Variants in SLIT3 observed in about 807,000 individuals in gnomAD.
SLIT3 encodes slit homolog 3 protein.
Under a neutral mutation model 184.0 loss-of-function variants are expected in SLIT3, and 68 were observed. That is an observed-to-expected ratio of 0.37 (90% confidence interval 0.30 to 0.45). The LOEUF is 0.45. SLIT3 is among the 20% of genes least tolerant of loss of function. The pLI is 1.00. For synonymous variants in SLIT3, 831 were observed against 828.6 expected (o/e 1.00, Z -0.05); for missense variants, 1,707 against 2,026.0 (o/e 0.84, Z 3.02).
intron 4 of SLIT3, among the ~76,000 whole-genome samples, chr5:169,142,173 C>A (rs1761771304): frequency 6.6e-6 from 1 of 152,134 alleles, no homozygotes; most frequent in South Asian, 2.1e-4. Context: ...ATCCATTGCA[C>A]ATTCACTGTG....
At chr5:168,733,659 A>G (rs1198843880) in intron 20 of SLIT3, among the ~76,000 whole-genome samples, 1 of 152,170 alleles carries the variant, frequency 6.6e-6, no homozygotes, top group Non-Finnish European at 1.5e-5. Context: ...GGAGAGCATT[A>G]GGACAAATAC....
At chr5:168,903,814 T>TC (rs1561997484) in intron 4 of SLIT3, among the ~76,000 whole-genome samples, 1 of 151,760 alleles carries the variant, frequency 6.6e-6, no homozygotes. Context: ...GTTCACTGGT[T>TC]TGAATTATTA....
chr5:169,015,009 C>T (rs1756308517), intron 4 of SLIT3, among the ~76,000 whole-genome samples: 1 of 151,806 alleles, frequency 6.6e-6, no homozygotes, highest in South Asian at 2.1e-4. Context: ...TTGTAGATTA[C>T]AGAACCAAAC....
chr5:168,739,601 C>A (rs189926858), intron 20 of SLIT3, among the ~76,000 whole-genome samples: 146 of 152,014 alleles, frequency 9.6e-4, no homozygotes, highest in African/African-American at 3.1e-3. Flanking sequence ...ATTACAGGCG[C>A]CCACAACCAC....
intron 20 of SLIT3, among the ~76,000 whole-genome samples, chr5:168,729,212 A>G (rs1375696987): frequency 6.6e-6 from 1 of 152,140 alleles, no homozygotes; most frequent in Non-Finnish European, 1.5e-5. Flanking sequence ...AAAGTTTAGA[A>G]AACATATTTG....
rs564447684 is a variant in SLIT3, at chr5:169,217,862, AAC to A, written c.342-24314_342-24313del. Reference sequence around the variant, plus strand: ...AAAGACAATATTCCTCACTGGCTGAAACACACAGAACAGAGATGGAATGGCAG... The same window carrying A: ...AAAGACAATATTCCTCACTGGCTGAAACACAGAACAGAGATGGAATGGCAG... On this transcript the variant is annotated intron_variant, in intron 3 of 35. Coordinates refer to ENST00000519560, the MANE Select transcript of SLIT3 (RefSeq NM_003062.4). 1.4e-3 allele frequency among the ~76,000 whole-genome samples: 208 copies of A among 152,322 alleles called. 1 individual carries two copies. Among genetic ancestry groups the A allele is most frequent in the African/African-American group, 4.9e-3 (202 of 41,570 alleles).
At chr5:169,274,824 T>C (rs1390798253) in intron 1 of SLIT3, among the ~76,000 whole-genome samples, 9 of 152,204 alleles carry the variant, frequency 5.9e-5, no homozygotes, top group Admixed American at 6.5e-5. Flanking sequence ...TTCAAATACT[T>C]ACCAGTTGGG....
intron 8 of SLIT3, among the ~76,000 whole-genome samples, chr5:168,811,211 G>A (rs1279987469): frequency 6.6e-6 from 1 of 152,114 alleles, no homozygotes; most frequent in Non-Finnish European, 1.5e-5. Flanking sequence ...CAAACTAAGA[G>A]TAGCCATCAG....
At chr5:169,070,972 T>C (rs1413139761) in intron 4 of SLIT3, among the ~76,000 whole-genome samples, 1 of 152,182 alleles carries the variant, frequency 6.6e-6, no homozygotes, top group African/African-American at 2.4e-5. Flanking sequence ...TACTTGGTCC[T>C]TGGAGACAGA....
At chr5:168,992,931 C>G (rs561085610) in intron 4 of SLIT3, 2 of 152,292 alleles carry the variant, frequency 1.3e-5, no homozygotes, top group East Asian at 1.9e-4. Flanking sequence ...AGCAAAGGCC[C>G]TTTACACGCA....
At chr5:168,798,214 C>CT in intron 9 of SLIT3, among the ~76,000 whole-genome samples, 1 of 84,696 alleles carries the variant, frequency 1.2e-5, no homozygotes, top group South Asian at 5.4e-4. Context: ...TTCTTTTCTT[C>CT]TTCTTCTTCT....
At chr5:169,122,435 T>C (rs1418536560) in intron 4 of SLIT3, among the ~76,000 whole-genome samples, 1 of 152,080 alleles carries the variant, frequency 6.6e-6, no homozygotes, top group African/African-American at 2.4e-5. Context: ...GTACCTGGAG[T>C]ATTTTTTGGC....
chr5:168,847,829 C>G (rs542782128), intron 5 of SLIT3, among the ~76,000 whole-genome samples: 3 of 152,062 alleles, frequency 2.0e-5, no homozygotes, highest in African/African-American at 7.2e-5. Flanking sequence ...GACCGGGGGG[C>G]CACTGATGTG....
At chr5:168,953,752 A>G (rs10073514) in intron 4 of SLIT3, among the ~76,000 whole-genome samples, 2 of 151,850 alleles carry the variant, frequency 1.3e-5, no homozygotes, top group South Asian at 4.1e-4. Context: ...AGGCGCTGAA[A>G]GCATATTCTC....
At position 169,091,987 on chromosome 5, in the gene SLIT3, C is replaced by T. The variant is rs182825551; in HGVS notation, c.413+101492G>A. On this transcript the variant is annotated intron_variant, in intron 4 of 35. Transcript: ENST00000519560. ...CTGTAATCCCAGCACTTTGGGAGGCCGAGGCAGGCGGATCACCTGAGGTTG... is the reference window on the plus strand; with the variant it reads ...CTGTAATCCCAGCACTTTGGGAGGCTGAGGCAGGCGGATCACCTGAGGTTG... Among the ~76,000 whole-genome samples the T allele has an allele frequency of 3.8e-3, 584 of 152,194 alleles. 2 individuals carry two copies. Among genetic ancestry groups the T allele is most frequent in the African/African-American group, 0.013 (557 of 41,524 alleles).
intron 4 of SLIT3, among the ~76,000 whole-genome samples, chr5:169,116,172 A>C (rs770544681): frequency 3.9e-5 from 6 of 152,090 alleles, no homozygotes; most frequent in African/African-American, 7.2e-5. Context: ...TTATTTTTGC[A>C]TTTATTATTG....
chr5:168,714,590 A>ACAAT (rs1762661080), intron 23 of SLIT3, among the ~76,000 whole-genome samples: 2 of 152,116 alleles, frequency 1.3e-5, no homozygotes, highest in African/African-American at 4.8e-5. Flanking sequence ...TCACAAACAA[A>ACAAT]CAAACAAAAA....
chr5:169,248,827 C>T (rs750695754), intron 2 of SLIT3, among the ~76,000 whole-genome samples: 2 of 152,070 alleles, frequency 1.3e-5, no homozygotes, highest in Non-Finnish European at 2.9e-5. Context: ...TACTCCCATC[C>T]CATGGGAGAA....
chr5:169,152,623 G>C (rs1389926306), intron 4 of SLIT3, among the ~76,000 whole-genome samples: 1 of 152,172 alleles, frequency 6.6e-6, no homozygotes, highest in Non-Finnish European at 1.5e-5. Context: ...CTAGAGCTGT[G>C]TGGGCGTGGC....
Sources: gnomAD v4.1 joint callset for allele counts (sites outside exome capture counted in the v4.1 genomes callset) on GRCh38, gnomAD v4.1.1 for gene constraint, MANE v1.5 for transcripts, NCBI Gene and HGNC (gene_info 2026-07-23, HGNC 2026-07-21) for gene names.